Variants in RTRAF observed in about 807,000 individuals in gnomAD.
RTRAF encodes RNA transcription, translation and transport factor, also known as tRNA-splicing ligase complex subunit RTRAF.
A neutral mutation model predicts 34.4 loss-of-function variants in RTRAF; 14 were observed. The ratio of observed to expected loss-of-function variants is 0.41; its 90% CI spans 0.27 to 0.64. RTRAF has a LOEUF of 0.64. Ranked by LOEUF, RTRAF falls within the 30% of genes least tolerant of loss-of-function variation. The pLI is 0.34. For missense variants in RTRAF, 291 were observed against 288.4 expected, an observed-to-expected ratio of 1.01 and a Z score of -0.06; for synonymous variants, 96 against 95.3, an observed-to-expected ratio of 1.01 and a Z score of -0.04.
chr14:52,004,219 A>G lies in RTRAF; in HGVS notation c.557A>G (p.His186Arg). 2 of 1,613,512 alleles carry G rather than the reference A, an allele frequency of 1.2e-6. No individual in the cohort carries two copies. Among genetic ancestry groups the G allele is most frequent in the Non-Finnish European group, 1.7e-6 (2 of 1,179,572 alleles). Residue 186 changes from histidine (H) to arginine (R), a missense_variant, in exon 7 of 8, where the codon CAT becomes CGT. Coordinates refer to ENST00000261700, the MANE Select transcript of RTRAF (RefSeq NM_016039.3). ...GGCTTACCTGTTGCTTTAGACAAAC[A>G]TATTCTTGGTTTTGACACAGGAGGT... ...KEGLPVALDK[H>R]ILGFDTGDAV...
In RTRAF at chr14:51,989,714, C is replaced by G. The variant is rs1666927658; in HGVS notation, c.61+14C>G. The stretch of plus-strand genomic sequence containing the variant: ...TCAACTGCAAAGGTGAGGCGGCGGC[C>G]TCAGCCCGGCCGCGTGTCCCTGACC... On this transcript the variant is annotated intron_variant, in intron 1 of 7. Transcript: ENST00000261700. 1 of 1,593,196 alleles carries G rather than the reference C, an allele frequency of 6.3e-7. No homozygotes were observed. The highest frequency in any genetic ancestry group is 1.1e-5 in the South Asian group (1 of 87,842).
In RTRAF at chr14:52,005,366, T is replaced by C. The variant is rs1441215101; in HGVS notation, c.*850T>C. ...TTTTTGCACTACAAAATGTTCATCT[T>C]GGATGCTCAGGAACGTCTAATGGCC... On this transcript the variant is annotated 3_prime_UTR_variant, in exon 8 of 8. Transcript: ENST00000261700. The C allele has an allele frequency of 1.1e-6, 1 of 914,354 alleles. No homozygotes were observed. Among genetic ancestry groups the C allele is most frequent in the Non-Finnish European group, 1.6e-6 (1 of 640,392 alleles). 56.6% of individuals were successfully genotyped at this position (914,354 alleles called of 1,614,324 possible).
In RTRAF at chr14:52,008,296, T is replaced by G; in HGVS notation, c.*3780T>G. On this transcript the variant is annotated 3_prime_UTR_variant, in exon 8 of 8. Coordinates refer to ENST00000261700, the MANE Select transcript of RTRAF (RefSeq NM_016039.3). ...AAGGAACTGATGTCCTTGAGGGCTG[T>G]TGGCCAGAGACATTAGTCTTGCCTG... 1 of 206,012 alleles carries G rather than the reference T, an allele frequency of 4.9e-6. No homozygotes were observed. 12.8% of individuals were successfully genotyped at this position (206,012 alleles called of 1,614,324 possible). A position where few individuals can be genotyped will look rare whatever the true frequency, so the allele number is the denominator to read the frequency against.
In RTRAF at chr14:52,005,575, T is replaced by TTTGTGTATAAACTAGGTAGATTTA; in HGVS notation, c.*1060_*1083dup. On this transcript the variant is annotated 3_prime_UTR_variant, in exon 8 of 8. Transcript: ENST00000261700. ...AAGTTGCAACAGCAAGTCTTTGCATTTTGTGTATAAACTAGGTAGATTTAA... is the reference window on the plus strand; with the variant it reads ...AAGTTGCAACAGCAAGTCTTTGCATTTTGTGTATAAACTAGGTAGATTTATTGTGTATAAACTAGGTAGATTTAA... 1.3e-6 allele frequency: 2 copies of TTTGTGTATAAACTAGGTAGATTTA among 1,527,168 alleles called. No individual in the cohort carries two copies. Among genetic ancestry groups the TTTGTGTATAAACTAGGTAGATTTA allele is most frequent in the Non-Finnish European group, 1.8e-6 (2 of 1,117,518 alleles). 94.6% of individuals were successfully genotyped at this position (1,527,168 alleles called of 1,614,324 possible). A position where few individuals can be genotyped will look rare whatever the true frequency, so the allele number is the denominator to read the frequency against.
At chr14:52,004,120 T>TGA in intron 6 of RTRAF, 74 bp from the exon 7 acceptor site, 1 of 1,312,860 alleles carries the variant, frequency 7.6e-7, no homozygotes, top group Non-Finnish European at 1.1e-6. Flanking sequence ...AGCTAGGTGC[T>TGA]TTTCAGTTTC....
At chr14:51,998,259 A>C (rs1179419821) in intron 3 of RTRAF, 1 of 376,532 alleles carries the variant, frequency 2.7e-6, no homozygotes, top group Non-Finnish European at 4.8e-6. Flanking sequence ...TAAGTTGTAC[A>C]TTGAACATAA....
intron 4 of RTRAF, 44 bp downstream of exon 4, chr14:51,998,624 T>C: frequency 2.4e-6 from 3 of 1,273,150 alleles, no homozygotes; most frequent in Non-Finnish European, 3.3e-6. Context: ...CATTTTTGGT[T>C]TTTTAAATGT....
chr14:51,993,205 C>A (rs1890463763), intron 2 of RTRAF, among the ~76,000 whole-genome samples: 1 of 151,978 alleles, frequency 6.6e-6, no homozygotes, highest in African/African-American at 2.4e-5. Flanking sequence ...ATTAATGTTA[C>A]ATATAATACT....
In RTRAF at chr14:52,007,890, ATTC is replaced by A. The variant is rs1245651105; in HGVS notation, c.*3379_*3381del. The stretch of plus-strand genomic sequence containing the variant: ...CAATCCAATGTCTGTATTGATCAGA[ATTC>A]TTCTGTTTTCTCCATCTAAAGATGA... On this transcript the variant is annotated 3_prime_UTR_variant, in exon 8 of 8. Coordinates refer to ENST00000261700, the MANE Select transcript of RTRAF (RefSeq NM_016039.3). 1.2e-6 allele frequency: 2 copies of A among 1,613,974 alleles called. No homozygotes were observed. The highest frequency in any genetic ancestry group is 1.7e-6 in the Non-Finnish European group (2 of 1,179,866).
rs1020737861 is a variant in RTRAF at position 52,007,689 on chromosome 14, A to C, written c.*3173A>C. On this transcript the variant is annotated 3_prime_UTR_variant, in exon 8 of 8. Transcript: ENST00000261700. Reference sequence around the variant, plus strand: ...AGTACTTAAATTTACTAGTACTTAAAAGTTTACAGACCAAAGAAAGGAGAT... The same window carrying C: ...AGTACTTAAATTTACTAGTACTTAACAGTTTACAGACCAAAGAAAGGAGAT... 38 of 929,292 alleles carry C rather than the reference A, an allele frequency of 4.1e-5. No homozygotes were observed. The highest frequency in any genetic ancestry group is 2.5e-4 in the South Asian group (17 of 69,084). 57.6% of individuals were successfully genotyped at this position (929,292 alleles called of 1,614,324 possible). A position where few individuals can be genotyped will look rare whatever the true frequency, so the allele number is the denominator to read the frequency against.
intron 3 of RTRAF, among the ~76,000 whole-genome samples, chr14:51,995,573 G>C (rs777077133): frequency 1.3e-5 from 2 of 152,022 alleles, no homozygotes; most frequent in African/African-American, 2.4e-5. Flanking sequence ...GGACATCTTG[G>C]GGGGTACAGG....
intron 4 of RTRAF, 90 bp downstream of exon 4, chr14:51,998,670 GT>G: frequency 1.3e-6 from 1 of 782,904 alleles, no homozygotes; most frequent in Non-Finnish European, 2.0e-6. Flanking sequence ...GGTTTACTTG[GT>G]TTTAGTAAAT....
At position 52,005,207 on chromosome 14, in the gene RTRAF, A is replaced by ATGAT. The variant is rs1890715385; in HGVS notation, c.*692_*695dup. ...AATGAATTTGATCTTTTAAATATTA[A>ATGAT]TGATAAATGTTTACAAGAAGTTGCT... On this transcript the variant is annotated 3_prime_UTR_variant, in exon 8 of 8. Coordinates refer to ENST00000261700, the MANE Select transcript of RTRAF (RefSeq NM_016039.3). 6.3e-6 allele frequency: 2 copies of ATGAT among 317,914 alleles called. No homozygotes were observed. The highest frequency in any genetic ancestry group is 2.1e-5 in the African/African-American group (1 of 46,648). 19.7% of individuals were successfully genotyped at this position (317,914 alleles called of 1,614,324 possible).
rs764670418 is a variant in RTRAF, at chr14:52,005,459, T to TC, written c.*945dup. The stretch of plus-strand genomic sequence containing the variant: ...TAGGGTCCAGGTTCTGATTGTAAAC[T>TC]CCAAGTCTTCCTTTACATTACTGTA... On this transcript the variant is annotated 3_prime_UTR_variant, in exon 8 of 8. Transcript: ENST00000261700. The TC allele has an allele frequency of 7.0e-5, 111 of 1,576,774 alleles. No homozygotes were observed. The highest frequency in any genetic ancestry group is 9.1e-5 in the Non-Finnish European group (106 of 1,165,258).
intron 3 of RTRAF, 78 bp downstream of exon 3, chr14:51,993,900 C>T: frequency 2.3e-6 from 2 of 884,240 alleles, no homozygotes. Context: ...GGGAACTTTG[C>T]AGTTTGTTTT....
rs905381176 is a variant in RTRAF, at chr14:52,005,404, A to ACTTT, written c.*893_*896dup. The ACTTT allele has an allele frequency of 7.4e-7, 1 of 1,358,184 alleles. No homozygotes were observed. Among genetic ancestry groups the ACTTT allele is most frequent in the African/African-American group, 1.5e-5 (1 of 68,530 alleles). 84.1% of individuals were successfully genotyped at this position (1,358,184 alleles called of 1,614,324 possible). ...ACGTCTAATGGCCAATTCCTTTTTT[A>ACTTT]CTTTCTTTGCCTTTGCAGTCACTGT... On this transcript the variant is annotated 3_prime_UTR_variant, in exon 8 of 8. Transcript: ENST00000261700.
In RTRAF at chr14:52,006,126, A is replaced by AG. The variant is rs1890770343; in HGVS notation, c.*1611dup. The stretch of plus-strand genomic sequence containing the variant: ...TTAATGTTCCACAGTTCCTCATTTG[A>AG]GAACTAGTCTAAATAGTATTTTTCG... On this transcript the variant is annotated 3_prime_UTR_variant, in exon 8 of 8. Transcript: ENST00000261700. 4.4e-6 allele frequency: 2 copies of AG among 456,320 alleles called. No homozygotes were observed. The highest frequency in any genetic ancestry group is 2.0e-5 in the African/African-American group (1 of 50,754). 28.3% of individuals were successfully genotyped at this position (456,320 alleles called of 1,614,324 possible).
At position 52,004,088 on chromosome 14, in the gene RTRAF, A is replaced by AAAAG. The variant is rs538284183; in HGVS notation, c.532-104_532-101dup. 49 of 959,756 alleles carry AAAAG rather than the reference A, an allele frequency of 5.1e-5. No individual in the cohort carries two copies. In the East Asian group the frequency reaches 1.0e-3, roughly 20 times the overall value. The allele number at this position is 959,756 out of a possible 1,614,324, so 59.5% of individuals were successfully genotyped here. On this transcript the variant is annotated intron_variant, in intron 6 of 7. Coordinates refer to ENST00000261700, the MANE Select transcript of RTRAF (RefSeq NM_016039.3). Reference sequence around the variant, plus strand: ...TCCTAGTTCCCTTGCCCATGCAGCTAAAAGAGTTAAGACACCAGAATAGCT... The same window carrying AAAAG: ...TCCTAGTTCCCTTGCCCATGCAGCTAAAAGAAAGAGTTAAGACACCAGAATAGCT...
intron 7 of RTRAF, 42 bp from the exon 8 acceptor site, chr14:52,004,320 A>AAAAATTATGTATTGAAGC: frequency 6.2e-7 from 1 of 1,609,414 alleles, no homozygotes; most frequent in Non-Finnish European, 8.5e-7. Context: ...CCTTAAATGT[A>AAAAATTATGTATTGAAGC]AAAATTATGT....
Sources: allele counts gnomAD v4.1 joint callset (sites outside exome capture counted in the v4.1 genomes callset), GRCh38; gene constraint gnomAD v4.1.1; transcripts MANE v1.5; gene names NCBI Gene and HGNC (gene_info 2026-07-23, HGNC 2026-07-21).